ARL15: variants seen among roughly 807,000 people sequenced by gnomAD.
ARL15 encodes ARF like GTPase 15.
Under a neutral mutation model 25.2 loss-of-function variants are expected in ARL15, and 19 were observed. The observed-to-expected ratio is 0.75, with a 90% CI of 0.53 to 1.10. ARL15 has a LOEUF of 1.10. Ranked by LOEUF, ARL15 falls within the 50% of genes least tolerant of loss-of-function variation. The pLI is 0.00. For synonymous variants in ARL15, 94 were observed against 86.8 expected, an observed-to-expected ratio of 1.08 and a Z score of -0.46; for missense variants, 220 against 246.0, an observed-to-expected ratio of 0.89 and a Z score of 0.71.
intron 4 of ARL15, among the ~76,000 whole-genome samples, chr5:53,933,062 G>A (rs2112057602): frequency 6.6e-6 from 1 of 152,232 alleles, no homozygotes; most frequent in African/African-American, 2.4e-5. Context: ...AAAATGAAAA[G>A]CTTTTATTTA....
intron 4 of ARL15, among the ~76,000 whole-genome samples, chr5:54,078,274 G>A (rs995863381): frequency 1.2e-4 from 19 of 152,070 alleles, no homozygotes; most frequent in Admixed American, 9.8e-4. Flanking sequence ...TAGGATATAC[G>A]TTGTGCTTAC....
At chr5:54,249,223 A>C (rs1196225319) in intron 1 of ARL15, among the ~76,000 whole-genome samples, 2 of 152,188 alleles carry the variant, frequency 1.3e-5, no homozygotes, top group Non-Finnish European at 2.9e-5. Flanking sequence ...AAGTGGATGC[A>C]TATAAAATTA....
At chr5:54,026,471 T>C (rs1431522462) in intron 4 of ARL15, among the ~76,000 whole-genome samples, 1 of 152,140 alleles carries the variant, frequency 6.6e-6, no homozygotes, top group Non-Finnish European at 1.5e-5. Context: ...GGTCTCACTA[T>C]GTTGGCCAGG....
intron 1 of ARL15, among the ~76,000 whole-genome samples, chr5:54,224,086 A>G (rs17268187): frequency 0.04 from 6,058 of 152,272 alleles, 180 homozygotes; most frequent in Non-Finnish European, 0.06. Flanking sequence ...CAGGGACACA[A>G]TGAAAGTTAG....
chr5:54,156,670 G>A (rs1386009055), intron 2 of ARL15, among the ~76,000 whole-genome samples: 4 of 152,218 alleles, frequency 2.6e-5, no homozygotes, highest in Non-Finnish European at 4.4e-5. Flanking sequence ...TGCACAGAAA[G>A]GATGGAAAAT....
At chr5:54,090,437 G>A (rs696193) in intron 4 of ARL15, among the ~76,000 whole-genome samples, 108,052 of 147,644 alleles carry the variant, frequency 0.73, 39,522 homozygotes, top group East Asian at 0.88. Flanking sequence ...CAAAAAAAAA[G>A]AAACAGGCAA....
At chr5:54,072,412 G>T (rs1357134625) in intron 4 of ARL15, among the ~76,000 whole-genome samples, 1 of 152,130 alleles carries the variant, frequency 6.6e-6, no homozygotes, top group African/African-American at 2.4e-5. Context: ...CCCCTGTCTA[G>T]ACTTGATGGT....
intron 1 of ARL15, among the ~76,000 whole-genome samples, chr5:54,278,990 T>C (rs925711050): frequency 2.6e-5 from 4 of 152,196 alleles, no homozygotes; most frequent in Admixed American, 1.3e-4. Flanking sequence ...ATTCCTAATA[T>C]GTAAAATATA....
intron 1 of ARL15, among the ~76,000 whole-genome samples, chr5:54,240,379 G>A (rs1162864144): frequency 6.6e-6 from 1 of 151,682 alleles, no homozygotes; most frequent in African/African-American, 2.4e-5. Context: ...ACATGTCTGA[G>A]TATACATGCA....
chr5:54,301,415 T>A (rs1406595211), intron 1 of ARL15, among the ~76,000 whole-genome samples: 1 of 152,132 alleles, frequency 6.6e-6, no homozygotes, highest in African/African-American at 2.4e-5. Flanking sequence ...CTCACTAACC[T>A]CGGGATAGTG....
chr5:54,161,120 T>G (rs1754389718), intron 2 of ARL15, among the ~76,000 whole-genome samples: 1 of 152,128 alleles, frequency 6.6e-6, no homozygotes. Flanking sequence ...CTGTATATAT[T>G]CTTCTAATCT....
chr5:54,094,866 C>A (rs1358901630), intron 4 of ARL15, among the ~76,000 whole-genome samples: 1 of 152,136 alleles, frequency 6.6e-6, no homozygotes, highest in Non-Finnish European at 1.5e-5. Context: ...ATATATACAT[C>A]AATAATCAAA....
intron 4 of ARL15, among the ~76,000 whole-genome samples, chr5:53,904,982 C>G (rs1745202663): frequency 6.6e-6 from 1 of 152,266 alleles, no homozygotes; most frequent in Non-Finnish European, 1.5e-5. Context: ...ACCACCTCAG[C>G]CTCCCAAAGT....
intron 4 of ARL15, among the ~76,000 whole-genome samples, chr5:53,924,926 C>T (rs1022290526): frequency 1.3e-5 from 2 of 152,150 alleles, no homozygotes; most frequent in Non-Finnish European, 2.9e-5. Flanking sequence ...AATTAGAAAA[C>T]TGTTAAGTTA....
At position 53,907,917 on chromosome 5, in the gene ARL15, G is replaced by T. The variant is rs529560002; in HGVS notation, c.463-21204C>A. ...GGGCATCTAGAAATGTTTCAGATAC[G>T]ATTGCTATTTAAGATTGCCACATAA... On this transcript the variant is annotated intron_variant, in intron 4 of 4. Transcript: ENST00000504924. 9.9e-5 allele frequency among the ~76,000 whole-genome samples: 15 copies of T among 152,122 alleles called. 1 individual carries two copies. The highest frequency in any genetic ancestry group is 3.6e-4 in the African/African-American group (15 of 41,512).
At chr5:53,944,365 C>A (rs1746646340) in intron 4 of ARL15, among the ~76,000 whole-genome samples, 1 of 152,114 alleles carries the variant, frequency 6.6e-6, no homozygotes, top group South Asian at 2.1e-4. Flanking sequence ...AATCCCAGCA[C>A]TTTGGGAGGC....
Position 53,974,362 on chromosome 5 carries a change from T to A in ARL15, c.463-87649A>T, listed in dbSNP as rs3776734. Among the ~76,000 whole-genome samples the A allele has an allele frequency of 1.6e-3, 251 of 152,318 alleles. 5 individuals carry two copies. In the East Asian group the frequency reaches 0.04, roughly 24 times the overall value. ...TATGAGGTTACTAGGTGATTTGTTTTCCTCCTCAATAATCTGCCCTTAAAT... is the reference window on the plus strand; with the variant it reads ...TATGAGGTTACTAGGTGATTTGTTTACCTCCTCAATAATCTGCCCTTAAAT... On this transcript the variant is annotated intron_variant, in intron 4 of 4. Transcript: ENST00000504924.
At chr5:53,961,043 C>G (rs1747346686) in intron 4 of ARL15, among the ~76,000 whole-genome samples, 1 of 152,134 alleles carries the variant, frequency 6.6e-6, no homozygotes, top group Non-Finnish European at 1.5e-5. Context: ...GTTTCTCTAT[C>G]TACATCCAGT....
chr5:53,985,287 T>TA (rs1748256898), intron 4 of ARL15, among the ~76,000 whole-genome samples: 1 of 152,182 alleles, frequency 6.6e-6, no homozygotes, highest in Non-Finnish European at 1.5e-5. Context: ...TCAGATTTTT[T>TA]TAAAAAACTG....
Sources: allele counts gnomAD v4.1 joint callset (sites outside exome capture counted in the v4.1 genomes callset), GRCh38; gene constraint gnomAD v4.1.1; transcripts MANE v1.5; gene names NCBI Gene and HGNC (gene_info 2026-07-23, HGNC 2026-07-21).